Variants in COL4A1 observed in about 807,000 individuals in gnomAD.
COL4A1 encodes the protein collagen alpha-1(IV) chain.
A neutral mutation model predicts 216.6 loss-of-function variants in COL4A1; 40 were observed. That is an observed-to-expected ratio of 0.18 (90% CI 0.14 to 0.24). COL4A1 has a LOEUF of 0.24. Ranked by LOEUF, COL4A1 falls within the 10% of genes least tolerant of loss-of-function variation. The pLI is 1.00. For missense variants in COL4A1, 1,628 were observed against 2,196.8 expected (o/e 0.74, Z 5.18); for synonymous variants, 839 against 810.7 (o/e 1.03, Z -0.59).
At chr13:110,219,299 A>G (rs1013826486) in intron 2 of COL4A1, among the ~76,000 whole-genome samples, 15 of 152,234 alleles carry the variant, frequency 9.9e-5, no homozygotes, top group Admixed American at 4.6e-4. Context: ...AAAAGGATGT[A>G]TATGTGTTCA....
At chr13:110,212,236 T>G (rs904822663) in intron 6 of COL4A1, among the ~76,000 whole-genome samples, 181 bp downstream of exon 6, 2 of 152,240 alleles carry the variant, frequency 1.3e-5, no homozygotes. Flanking sequence ...CAATTATATC[T>G]TTCTGGTACA....
intron 1 of COL4A1, among the ~76,000 whole-genome samples, chr13:110,259,855 T>C (rs1333066871): frequency 3.3e-5 from 5 of 152,206 alleles, no homozygotes; most frequent in Non-Finnish European, 7.3e-5. Flanking sequence ...GTTGAATCTG[T>C]AGGTGGACTA....
chr13:110,252,854 CGTAT>C (rs1391320113), intron 1 of COL4A1, among the ~76,000 whole-genome samples: 5 of 121,710 alleles, frequency 4.1e-5, no homozygotes, highest in African/African-American at 3.1e-5. Flanking sequence ...ACTATAAGTA[CGTAT>C]GTATTACATA....
At chr13:110,286,298 T>C (rs1241754890) in intron 1 of COL4A1, among the ~76,000 whole-genome samples, 1 of 152,178 alleles carries the variant, frequency 6.6e-6, no homozygotes, top group Non-Finnish European at 1.5e-5. Context: ...CCATCTGGTT[T>C]ATTCACATGA....
intron 2 of COL4A1, among the ~76,000 whole-genome samples, chr13:110,218,202 T>C (rs1218605879): frequency 2.4e-5 from 1 of 41,938 alleles, no homozygotes. Context: ...ATCAAAATTC[T>C]TACTGTCAAA....
At chr13:110,215,696 A>C (rs577461692) in intron 2 of COL4A1, among the ~76,000 whole-genome samples, 1 of 152,374 alleles carries the variant, frequency 6.6e-6, no homozygotes, top group South Asian at 2.1e-4. Context: ...AGCTGATTTA[A>C]AAACATAAGG....
intron 3 of COL4A1, 43 bp from the exon 4 acceptor site, chr13:110,213,869 C>A (rs757937600): frequency 1.2e-6 from 2 of 1,613,642 alleles, no homozygotes; most frequent in East Asian, 4.5e-5. Context: ...TCACCGCTAT[C>A]TCAAGAATGC....
intron 46 of COL4A1, among the ~76,000 whole-genome samples, chr13:110,164,098 C>T (rs1180408542): frequency 6.7e-6 from 1 of 149,764 alleles, no homozygotes; most frequent in African/African-American, 2.5e-5. Flanking sequence ...AAGCGATTCT[C>T]CTACCTCAGC....
chr13:110,275,649 C>T (rs1883400046), intron 1 of COL4A1, among the ~76,000 whole-genome samples: 1 of 152,206 alleles, frequency 6.6e-6, no homozygotes, highest in Admixed American at 6.5e-5. Context: ...GGGCAACCAC[C>T]ACGTCTTTCA....
rs1473193604 is a variant in COL4A1, at chr13:110,207,650, T to A, written c.694-161A>T. Among the ~76,000 whole-genome samples the A allele has an allele frequency of 6.6e-6, 1 of 152,114 alleles. No homozygotes were observed. Among genetic ancestry groups the A allele is most frequent in the Non-Finnish European group, 1.5e-5 (1 of 68,010 alleles). ...TCCTTGCCTCTGCAGAAAATCAAAT[T>A]TCAATAGGAAGATGATACAACAAGT... is the stretch of plus-strand genomic sequence containing the variant. On this transcript the variant is annotated intron_variant, in intron 12 of 51. Transcript: ENST00000375820. The surrounding 1 kb of genome is among the most constrained non-coding windows in gnomAD (Gnocchi z 4.4).
intron 47 of COL4A1, 83 bp downstream of exon 47, chr13:110,163,377 TCTG>T (rs2139147253): frequency 8.7e-7 from 1 of 1,144,820 alleles, no homozygotes; most frequent in East Asian, 2.4e-5. Context: ...CCAACTTCAT[TCTG>T]CTGTTTCCCC....
chr13:110,257,990 T>A (rs893320565), intron 1 of COL4A1, among the ~76,000 whole-genome samples: 1 of 152,230 alleles, frequency 6.6e-6, no homozygotes, highest in Non-Finnish European at 1.5e-5. Context: ...GAATGAGTAA[T>A]ACACAAATAG....
chr13:110,230,267 T>TTATGTGTGTGGTGCGTGTATATG (rs1248511307), intron 2 of COL4A1, among the ~76,000 whole-genome samples: 2 of 151,754 alleles, frequency 1.3e-5, no homozygotes, highest in Non-Finnish European at 2.9e-5. Flanking sequence ...TGTGTATATG[T>TTATGTGTGTGGTGCGTGTATATG]TATGTGTGTG....
chr13:110,167,840 A>T lies in COL4A1; in HGVS notation c.3877-610T>A, dbSNP rs150926707. 7.6e-3 allele frequency among the ~76,000 whole-genome samples: 1,164 copies of T among 152,328 alleles called. 8 individuals carry two copies. The highest frequency in any genetic ancestry group is 0.026 in the African/African-American group (1,098 of 41,564). On this transcript the variant is annotated intron_variant, in intron 43 of 51. Coordinates refer to ENST00000375820, the MANE Select transcript of COL4A1 (RefSeq NM_001845.6). Reference sequence around the variant, plus strand: ...CAAGTCGTGGACAGCAACATGTAACAAGTTGTTTTATTTCTTACGTAGATT... The same window carrying T: ...CAAGTCGTGGACAGCAACATGTAACTAGTTGTTTTATTTCTTACGTAGATT...
At chr13:110,249,173 T>A (rs1881969115) in intron 1 of COL4A1, among the ~76,000 whole-genome samples, 2 of 152,104 alleles carry the variant, frequency 1.3e-5, no homozygotes, top group Admixed American at 1.3e-4. Flanking sequence ...AGAATTGTGA[T>A]GACCTTCTGC....
At chr13:110,204,468 T>G (rs144744655) in intron 17 of COL4A1, among the ~76,000 whole-genome samples, 54 of 152,290 alleles carry the variant, frequency 3.5e-4, no homozygotes, top group African/African-American at 1.2e-3. Flanking sequence ...CTTTAATAAA[T>G]TAACCGTAGG....
Position 110,198,513 on chromosome 13 carries a change from C to T in COL4A1, c.1239G>A (p.Pro413=), listed in dbSNP as rs572045661. The change falls in exon 21 of 52, where the codon CCG becomes CCA. Residue 413 remains proline, a synonymous_variant. Coordinates refer to ENST00000375820, the MANE Select transcript of COL4A1 (RefSeq NM_001845.6). ...GGGGCCCAGGGGAACCAGGAGGACC[C>T]GGGAGCCCATCTCTTCCACTTGGTC... ...LPGPSGRDGL[P]GPPGSPGPPG... is the part of the protein sequence containing the mutation. The T allele has an allele frequency of 1.5e-5, 24 of 1,613,942 alleles. No homozygotes were observed. Among genetic ancestry groups the T allele is most frequent in the South Asian group, 1.2e-4 (11 of 91,062 alleles).
chr13:110,230,157 A>AGTGT (rs200299882), intron 2 of COL4A1, among the ~76,000 whole-genome samples: 2 of 150,886 alleles, frequency 1.3e-5, no homozygotes, highest in African/African-American at 4.9e-5. Flanking sequence ...TCCTGAAGAA[A>AGTGT]GTGCGTGTGT....
At chr13:110,190,280 T>C (rs1878571608) in intron 24 of COL4A1, among the ~76,000 whole-genome samples, 1 of 152,130 alleles carries the variant, frequency 6.6e-6, no homozygotes, top group Non-Finnish European at 1.5e-5. Flanking sequence ...TGAAAATAAA[T>C]GCTGAGGATT....
Sources: gnomAD v4.1 joint callset for allele counts (sites outside exome capture counted in the v4.1 genomes callset) on GRCh38, gnomAD v4.1.1 for gene constraint, Gnocchi (gnomAD v3.1) non-coding constraint, MANE v1.5 for transcripts, NCBI Gene and HGNC (gene_info 2026-07-23, HGNC 2026-07-21) for gene names.